Variants in THADA observed in about 807,000 individuals in gnomAD.
THADA encodes THADA armadillo repeat containing, also known as tRNA (32-2'-O)-methyltransferase regulator THADA.
A neutral mutation model predicts 219.8 loss-of-function variants in THADA; 213 were observed. The ratio of observed to expected loss-of-function variants is 0.97; its 90% CI spans 0.87 to 1.09. THADA has a LOEUF of 1.09. Ranked by LOEUF, THADA falls within the 50% of genes least tolerant of loss-of-function variation. The pLI is 0.00. For missense variants in THADA, 2,956 were observed against 2,311.3 expected (o/e 1.28, Z -5.72); for synonymous variants, 1,018 against 828.9 (o/e 1.23, Z -3.92).
At chr2:43,543,956 T>C (rs1454897174) in intron 20 of THADA, among the ~76,000 whole-genome samples, 1 of 152,140 alleles carries the variant, frequency 6.6e-6, no homozygotes, top group Non-Finnish European at 1.5e-5. Context: ...CATGCCTATG[T>C]CCTGAATGGT....
At chr2:43,456,085 C>G (rs548079870) in intron 26 of THADA, among the ~76,000 whole-genome samples, 2 of 152,274 alleles carry the variant, frequency 1.3e-5, no homozygotes, top group Non-Finnish European at 2.9e-5. Context: ...AATGTTTTAC[C>G]TAACCTTGCA....
intron 29 of THADA, among the ~76,000 whole-genome samples, chr2:43,361,216 C>T (rs1669483270): frequency 6.6e-6 from 1 of 152,170 alleles, no homozygotes; most frequent in Non-Finnish European, 1.5e-5. Flanking sequence ...GCTTTGTAGT[C>T]AAGACATAGC....
rs181334998 is a variant in THADA at position 43,501,468 on chromosome 2, T to C, written c.3622-2513A>G. On this transcript the variant is annotated intron_variant, in intron 24 of 37. Coordinates refer to ENST00000405975, the MANE Select transcript of THADA (RefSeq NM_022065.5). ...AGATAATTTTTCCCAAATAAATCAA[T>C]ACATTTAAATTCTAACCAAAATTCC... Among the ~76,000 whole-genome samples the C allele has an allele frequency of 5.4e-3, 825 of 152,036 alleles. 4 individuals carry two copies. The highest frequency in any genetic ancestry group is 9.1e-3 in the Non-Finnish European group (619 of 67,984).
intron 36 of THADA, among the ~76,000 whole-genome samples, chr2:43,261,097 C>T (rs1467766315): frequency 6.6e-6 from 1 of 151,836 alleles, no homozygotes; most frequent in Non-Finnish European, 1.5e-5. Context: ...TATCATTATC[C>T]AATGCTTCTC....
chr2:43,483,737 T>G (rs1686532450), intron 26 of THADA, among the ~76,000 whole-genome samples: 2 of 151,574 alleles, frequency 1.3e-5, no homozygotes, highest in South Asian at 4.1e-4. Flanking sequence ...CTGATCATTT[T>G]CTCCTATACA....
chr2:43,464,320 A>T (rs181497199), intron 26 of THADA, among the ~76,000 whole-genome samples: 13 of 125,360 alleles, frequency 1.0e-4, no homozygotes, highest in Middle Eastern at 3.7e-3. Flanking sequence ...CAAGTAACTT[A>T]AAAAAAAAAG....
chr2:43,314,597 CA>C (rs770483018), intron 31 of THADA, among the ~76,000 whole-genome samples: 1 of 152,136 alleles, frequency 6.6e-6, no homozygotes, highest in Non-Finnish European at 1.5e-5. Flanking sequence ...AACCTGAGAG[CA>C]AATAATTTAA....
intron 16 of THADA, among the ~76,000 whole-genome samples, chr2:43,557,783 G>A (rs1697558483): frequency 6.6e-6 from 1 of 151,980 alleles, no homozygotes. Context: ...CTTGTGTTAG[G>A]AAAAAATAAT....
intron 7 of THADA, among the ~76,000 whole-genome samples, chr2:43,585,532 GTAGATAGATAGATAGATAGATAGATAGA>G (rs57755595): frequency 7.2e-6 from 1 of 139,428 alleles, no homozygotes; most frequent in African/African-American, 2.8e-5. Context: ...AAAAAAAAAT[GTAGATAGATAGATAGATAGATAGATAGA>G]TAGATAGATA....
At position 43,367,190 on chromosome 2, in the gene THADA, T is replaced by C. The variant is rs947221613; in HGVS notation, c.4228-22953A>G. Among the ~76,000 whole-genome samples, 8 of 152,028 alleles carry C rather than the reference T, an allele frequency of 5.3e-5. No homozygotes were observed. The East Asian group carries it at 1.3e-3, about 26-fold the overall frequency. On this transcript the variant is annotated intron_variant, in intron 29 of 37. Coordinates refer to ENST00000405975, the MANE Select transcript of THADA (RefSeq NM_022065.5). The stretch of plus-strand genomic sequence containing the variant: ...GCTAGGGGCTGAGAGAAAGGAGAAA[T>C]AGGGCGCTGTTGTTTAATGGGTATA...
chr2:43,455,015 T>C (rs913293265), intron 26 of THADA, among the ~76,000 whole-genome samples: 3 of 152,174 alleles, frequency 2.0e-5, no homozygotes, highest in Non-Finnish European at 4.4e-5. Flanking sequence ...AGGACTCATG[T>C]TCTTTAGTTC....
intron 29 of THADA, among the ~76,000 whole-genome samples, chr2:43,362,213 C>T (rs2104592160): frequency 6.6e-6 from 1 of 152,264 alleles, no homozygotes; most frequent in South Asian, 2.1e-4. Context: ...GTATTAGTCT[C>T]ACAAAATAGA....
chr2:43,515,083 TA>T (rs1167618394), intron 22 of THADA, among the ~76,000 whole-genome samples: 2 of 13,648 alleles, frequency 1.5e-4, no homozygotes, highest in Non-Finnish European at 2.3e-4. Flanking sequence ...ATAATATATA[TA>T]AATATATATA....
intron 31 of THADA, among the ~76,000 whole-genome samples, chr2:43,307,463 C>T (rs1676995721): frequency 6.6e-6 from 1 of 152,248 alleles, no homozygotes; most frequent in Admixed American, 6.5e-5. Context: ...AAAAGAACTG[C>T]AGAACTGCAA....
intron 29 of THADA, among the ~76,000 whole-genome samples, chr2:43,360,064 T>C (rs1194947996): frequency 6.6e-6 from 1 of 152,184 alleles, no homozygotes; most frequent in Non-Finnish European, 1.5e-5. Context: ...ATCAGTCTAT[T>C]ACAAAGATTT....
chr2:43,368,927 A>T (rs1466913976), intron 29 of THADA, among the ~76,000 whole-genome samples: 9 of 152,010 alleles, frequency 5.9e-5, no homozygotes, highest in Non-Finnish European at 4.4e-5. Flanking sequence ...ACCTCTCCTA[A>T]CACTAGCTTT....
chr2:43,383,135 T>C (rs1254793349), intron 29 of THADA, among the ~76,000 whole-genome samples: 4 of 152,174 alleles, frequency 2.6e-5, no homozygotes, highest in African/African-American at 7.2e-5. Context: ...AATGAGCATG[T>C]ATGGCTCTAA....
intron 36 of THADA, among the ~76,000 whole-genome samples, chr2:43,258,597 C>T (rs1572806805): frequency 6.6e-6 from 1 of 152,118 alleles, no homozygotes; most frequent in East Asian, 1.9e-4. Flanking sequence ...AACTGGGTGT[C>T]CTATATTTTT....
chr2:43,427,162 C>T (rs978809900), intron 28 of THADA, among the ~76,000 whole-genome samples: 2 of 152,118 alleles, frequency 1.3e-5, no homozygotes, highest in South Asian at 4.1e-4. Flanking sequence ...CATTTACATG[C>T]CACCCATTGC....
Sources: gnomAD v4.1 joint callset for allele counts (sites outside exome capture counted in the v4.1 genomes callset) on GRCh38, gnomAD v4.1.1 for gene constraint, MANE v1.5 for transcripts, NCBI Gene and HGNC (gene_info 2026-07-23, HGNC 2026-07-21) for gene names.